TMEM178A: variants seen among roughly 807,000 people sequenced by gnomAD.
TMEM178A encodes transmembrane protein 178.
TMEM178A carries 12 observed loss-of-function variants against 29.1 expected under a neutral mutation model. The ratio of observed to expected loss-of-function variants is 0.41; its 90% CI spans 0.26 to 0.67. The LOEUF (loss-of-function observed/expected upper bound fraction) is 0.67. TMEM178A is among the 30% of genes least tolerant of loss of function. TMEM178A has a pLI of 0.29. For missense variants in TMEM178A, 366 were observed against 419.1 expected (o/e 0.87, Z 1.11); for synonymous variants, 210 against 187.2 (o/e 1.12, Z -0.99).
chr2:39,723,230 G>T, the TMEM178A span, among the ~76,000 whole-genome samples: 1 of 152,200 alleles, frequency 6.6e-6, no homozygotes, highest in African/African-American at 2.4e-5. Flanking sequence ...TGTGGCTTCA[G>T]TGGGCTTCAA....
chr2:39,713,002 A>G (rs943152000), intron 3 of TMEM178A, among the ~76,000 whole-genome samples: 1 of 152,248 alleles, frequency 6.6e-6, no homozygotes, highest in Non-Finnish European at 1.5e-5. Flanking sequence ...AATGTATTGC[A>G]GAATTCAGTT....
intron 1 of TMEM178A, among the ~76,000 whole-genome samples, chr2:39,693,987 C>A (rs1466299449): frequency 7.3e-6 from 1 of 137,208 alleles, no homozygotes; most frequent in African/African-American, 2.8e-5. Flanking sequence ...TTTTTAACTT[C>A]TGTGATGATG....
the TMEM178A span, among the ~76,000 whole-genome samples, chr2:39,728,275 C>T: frequency 2.6e-5 from 4 of 152,128 alleles, no homozygotes; most frequent in African/African-American, 9.7e-5. Flanking sequence ...GATGGTATCT[C>T]ATTGTGGTTT....
chr2:39,726,531 T>C, the TMEM178A span, among the ~76,000 whole-genome samples: 28 of 152,112 alleles, frequency 1.8e-4, no homozygotes, highest in African/African-American at 5.6e-4. Flanking sequence ...TGGAAAGTCA[T>C]TGGAGGATTT....
chr2:39,719,969 A>C (rs1388736570), downstream of TMEM178A, among the ~76,000 whole-genome samples: 1 of 152,218 alleles, frequency 6.6e-6, no homozygotes, highest in African/African-American at 2.4e-5. Flanking sequence ...TTAATGAAGC[A>C]AAACAGACAA....
chr2:39,673,068 A>G (rs577734147), intron 1 of TMEM178A, among the ~76,000 whole-genome samples: 120 of 152,314 alleles, frequency 7.9e-4, no homozygotes, highest in Non-Finnish European at 1.5e-3. Flanking sequence ...TCAGCTTATA[A>G]TTACAGATTA....
intron 1 of TMEM178A, 64 bp downstream of exon 1, chr2:39,666,438 AG>A: frequency 8.2e-7 from 1 of 1,214,788 alleles, no homozygotes; most frequent in Non-Finnish European, 1.0e-6. Context: ...GCGGCTTCCC[AG>A]GGGCGCGCCG....
intron 1 of TMEM178A, among the ~76,000 whole-genome samples, chr2:39,671,579 C>T (rs868799250): frequency 2.6e-5 from 4 of 152,108 alleles, no homozygotes; most frequent in East Asian, 3.9e-4. Context: ...CTTCTCAAGG[C>T]GAGTAGTGTC....
chr2:39,708,175 G>C lies in TMEM178A; in HGVS notation c.652+989G>C, dbSNP rs561958715. The stretch of plus-strand genomic sequence containing the variant: ...GGTGGCGATTTCGCAGCTAATTCGT[G>C]AGAAGCAGCCGGTGGTAGGAAGAGC... On this transcript the variant is annotated intron_variant, in intron 3 of 3. Transcript: ENST00000281961. 3.5e-4 allele frequency among the ~76,000 whole-genome samples: 53 copies of C among 152,322 alleles called. 2 individuals are homozygous for C. In the South Asian group the frequency reaches 7.3e-3, roughly 21 times the overall value.
At chr2:39,667,251 T>C (rs1012456793) in intron 1 of TMEM178A, among the ~76,000 whole-genome samples, 2 of 152,224 alleles carry the variant, frequency 1.3e-5, no homozygotes, top group Admixed American at 1.3e-4. Context: ...GTTTGTTTTG[T>C]TTGGCACTGA....
At chr2:39,704,425 C>T (rs1671935171) in intron 2 of TMEM178A, among the ~76,000 whole-genome samples, 1 of 152,114 alleles carries the variant, frequency 6.6e-6, no homozygotes, top group Admixed American at 6.5e-5. Context: ...GATAGTCTGC[C>T]CTGGTGGCAT....
At chr2:39,675,356 G>A (rs1670573534) in intron 1 of TMEM178A, among the ~76,000 whole-genome samples, 1 of 152,070 alleles carries the variant, frequency 6.6e-6, no homozygotes, top group Non-Finnish European at 1.5e-5. Context: ...CTCTGAACAG[G>A]TCCCAACACA....
intron 1 of TMEM178A, among the ~76,000 whole-genome samples, chr2:39,680,876 C>A (rs377294508): frequency 1.3e-5 from 2 of 151,986 alleles, no homozygotes; most frequent in East Asian, 1.9e-4. Flanking sequence ...TCATTTTATT[C>A]AAAAGTTTTA....
chr2:39,719,274 T>A (rs548603697), downstream of TMEM178A, among the ~76,000 whole-genome samples: 2 of 152,258 alleles, frequency 1.3e-5, no homozygotes, highest in Non-Finnish European at 2.9e-5. Context: ...TGGACATTTA[T>A]ATTCCAACCA....
At chr2:39,683,367 G>GTTT (rs1179433073) in intron 1 of TMEM178A, among the ~76,000 whole-genome samples, 1 of 152,170 alleles carries the variant, frequency 6.6e-6, no homozygotes, top group Non-Finnish European at 1.5e-5. Context: ...AAGCTTTTCT[G>GTTT]AAGTTTTAAA....
chr2:39,674,899 A>G (rs1317715351), intron 1 of TMEM178A, among the ~76,000 whole-genome samples: 1 of 152,182 alleles, frequency 6.6e-6, no homozygotes, highest in Non-Finnish European at 1.5e-5. Flanking sequence ...GCACGCGTAG[A>G]ATAAAAAATT....
chr2:39,680,018 G>A (rs1287533858), intron 1 of TMEM178A, among the ~76,000 whole-genome samples: 1 of 152,048 alleles, frequency 6.6e-6, no homozygotes, highest in Non-Finnish European at 1.5e-5. Flanking sequence ...GGTTTTACTG[G>A]CATTCTGAAG....
At chr2:39,722,391 T>C (rs984864848), downstream of TMEM178A, among the ~76,000 whole-genome samples, 69 of 152,184 alleles carry the variant, frequency 4.5e-4, no homozygotes, top group African/African-American at 1.6e-3. Flanking sequence ...GGATAGCGTT[T>C]ATTTAATGGA....
the TMEM178A span, among the ~76,000 whole-genome samples, chr2:39,724,410 C>A: frequency 6.6e-6 from 1 of 152,152 alleles, no homozygotes; most frequent in Non-Finnish European, 1.5e-5. Context: ...GTAATAACCA[C>A]ACATTTAAGA....
Sources: allele counts gnomAD v4.1 joint callset (sites outside exome capture counted in the v4.1 genomes callset), GRCh38; gene constraint gnomAD v4.1.1; transcripts MANE v1.5; gene names NCBI Gene and HGNC (gene_info 2026-07-23, HGNC 2026-07-21).